The following GRID1 variants were observed in gnomAD, a reference collection of about 807,000 sequenced individuals.
GRID1 encodes glutamate ionotropic receptor delta type subunit 1.
Under a neutral mutation model 98.0 loss-of-function variants are expected in GRID1, and 28 were observed. The ratio of observed to expected loss-of-function variants is 0.29; its 90% CI spans 0.21 to 0.39. The LOEUF (loss-of-function observed/expected upper bound fraction) is 0.39. GRID1 is among the 10% of genes least tolerant of loss of function. The pLI is 1.00. For synonymous variants in GRID1, 553 were observed against 538.5 expected (o/e 1.03, Z -0.37); for missense variants, 1,111 against 1,340.5 (o/e 0.83, Z 2.67).
chr10:85,809,614 C>T (rs2131743524), intron 8 of GRID1, among the ~76,000 whole-genome samples: 1 of 152,320 alleles, frequency 6.6e-6, no homozygotes, highest in Non-Finnish European at 1.5e-5. Flanking sequence ...CCACACATTT[C>T]TCCTTATAAA....
intron 4 of GRID1, among the ~76,000 whole-genome samples, chr10:86,104,134 C>T (rs1211078897): frequency 6.6e-6 from 1 of 152,180 alleles, no homozygotes; most frequent in Non-Finnish European, 1.5e-5. Flanking sequence ...TCTCTGCCCA[C>T]CCTGTTCTTT....
At chr10:85,763,311 A>G (rs1475945539) in intron 8 of GRID1, among the ~76,000 whole-genome samples, 2 of 152,170 alleles carry the variant, frequency 1.3e-5, no homozygotes, top group African/African-American at 4.8e-5. Flanking sequence ...ATTTTCTCTT[A>G]CGAGGAAGAG....
At chr10:86,288,592 C>T (rs1027688122) in intron 2 of GRID1, among the ~76,000 whole-genome samples, 3 of 152,206 alleles carry the variant, frequency 2.0e-5, no homozygotes, top group Non-Finnish European at 4.4e-5. Context: ...GCTTGCCTCT[C>T]GGTTGCGTTC....
chr10:86,175,585 C>A (rs1845563745), intron 3 of GRID1, among the ~76,000 whole-genome samples: 1 of 152,240 alleles, frequency 6.6e-6, no homozygotes. Flanking sequence ...CATCACGGAC[C>A]TTTCCGCTGT....
intron 5 of GRID1, among the ~76,000 whole-genome samples, chr10:85,876,943 C>T (rs1358702031): frequency 6.6e-6 from 1 of 152,224 alleles, no homozygotes; most frequent in African/African-American, 2.4e-5. Flanking sequence ...AAATTGCACA[C>T]CAGGAGATTA....
chr10:86,169,887 C>G (rs1157929451), intron 3 of GRID1, among the ~76,000 whole-genome samples: 1 of 152,200 alleles, frequency 6.6e-6, no homozygotes, highest in Non-Finnish European at 1.5e-5. Context: ...GAGGATCCCT[C>G]TTCTTCAAGG....
intron 2 of GRID1, among the ~76,000 whole-genome samples, chr10:86,292,272 C>T (rs1847525801): frequency 1.3e-5 from 2 of 152,246 alleles, no homozygotes; most frequent in South Asian, 4.1e-4. Flanking sequence ...CATCCGCAGG[C>T]CTCAGAGCTG....
rs74150603 is a variant in GRID1, at chr10:86,187,461, A to C, written c.520+18903T>G. 3.4e-3 allele frequency among the ~76,000 whole-genome samples: 514 copies of C among 152,326 alleles called. 4 individuals carry two copies. Among genetic ancestry groups the C allele is most frequent in the African/African-American group, 0.012 (487 of 41,572 alleles). ...AGTCTGCACCAGAGTCTGAGTGCTA[A>C]ATCATCATCCAGTGCTGCTAATTAC... On this transcript the variant is annotated intron_variant, in intron 3 of 15. Coordinates refer to ENST00000327946, the MANE Select transcript of GRID1 (RefSeq NM_017551.3).
chr10:85,983,823 G>T (rs1297072636), intron 4 of GRID1, among the ~76,000 whole-genome samples: 1 of 152,134 alleles, frequency 6.6e-6, no homozygotes, highest in African/African-American at 2.4e-5. Context: ...GTCAAGGGAG[G>T]GAGGACCAAG....
intron 6 of GRID1, among the ~76,000 whole-genome samples, chr10:85,864,681 T>C (rs1843198068): frequency 6.6e-6 from 1 of 151,936 alleles, no homozygotes; most frequent in African/African-American, 2.4e-5. Context: ...CATGGAAGAG[T>C]ACAGAAAACC....
At chr10:85,790,172 G>A (rs955505356) in intron 8 of GRID1, among the ~76,000 whole-genome samples, 18 of 152,318 alleles carry the variant, frequency 1.2e-4, no homozygotes, top group African/African-American at 3.8e-4. Flanking sequence ...CCACCAAAGC[G>A]GGTGAGGGCC....
chr10:86,046,619 A>T (rs1241535251), intron 4 of GRID1, among the ~76,000 whole-genome samples: 1 of 152,300 alleles, frequency 6.6e-6, no homozygotes, highest in South Asian at 2.1e-4. Flanking sequence ...TCTAATAAAG[A>T]TTGGATATAA....
chr10:86,220,593 C>T (rs1047519845), intron 2 of GRID1, among the ~76,000 whole-genome samples: 1 of 152,170 alleles, frequency 6.6e-6, no homozygotes, highest in African/African-American at 2.4e-5. Flanking sequence ...TGGTCAGACG[C>T]CTGGGCATGT....
chr10:85,684,591 C>T (rs1161145005), intron 12 of GRID1, among the ~76,000 whole-genome samples: 1 of 152,168 alleles, frequency 6.6e-6, no homozygotes, highest in Non-Finnish European at 1.5e-5. Flanking sequence ...AATTTCTTAA[C>T]TTAGTAATGG....
chr10:85,923,325 G>A (rs7893934), intron 4 of GRID1, among the ~76,000 whole-genome samples: 24,855 of 152,078 alleles, frequency 0.16, 2,130 homozygotes, highest in East Asian at 0.21. Context: ...CCCAGCTCTA[G>A]GAAAGCCATC....
chr10:86,177,828 T>C (rs1845598267), intron 3 of GRID1, among the ~76,000 whole-genome samples: 3 of 151,978 alleles, frequency 2.0e-5, no homozygotes, highest in Admixed American at 1.3e-4. Context: ...CACGCGTGTG[T>C]GCACGAGACA....
At chr10:86,286,956 C>T (rs1226679562) in intron 2 of GRID1, among the ~76,000 whole-genome samples, 1 of 152,248 alleles carries the variant, frequency 6.6e-6, no homozygotes, top group African/African-American at 2.4e-5. Context: ...GGGCCACAGA[C>T]ATGGCCACCT....
rs1425716880 is a variant in GRID1 at position 86,351,978 on chromosome 10, T to G, written c.235+11963A>C. On this transcript the variant is annotated intron_variant, in intron 2 of 15. Coordinates refer to ENST00000327946, the MANE Select transcript of GRID1 (RefSeq NM_017551.3). ...CTGTGAATTACGTCCCTTGTTTAGGTACACCAGGGACCCTGTGTGTAAAGA... is the reference window on the plus strand; with the variant it reads ...CTGTGAATTACGTCCCTTGTTTAGGGACACCAGGGACCCTGTGTGTAAAGA... 1.2e-4 allele frequency among the ~76,000 whole-genome samples: 19 copies of G among 152,150 alleles called. 1 individual carries two copies. The highest frequency in any genetic ancestry group is 1.2e-3 in the Admixed American group (19 of 15,282).
chr10:86,025,819 C>T (rs1453811375), intron 4 of GRID1, among the ~76,000 whole-genome samples: 3 of 152,166 alleles, frequency 2.0e-5, no homozygotes, highest in Non-Finnish European at 4.4e-5. Flanking sequence ...AGTTTTGGGA[C>T]CTGGAATAAT....
Sources: allele counts gnomAD v4.1 joint callset (sites outside exome capture counted in the v4.1 genomes callset), GRCh38; gene constraint gnomAD v4.1.1; transcripts MANE v1.5; gene names NCBI Gene and HGNC (gene_info 2026-07-23, HGNC 2026-07-21).